Variants in TMEM98 observed in about 807,000 individuals in gnomAD.
The protein encoded by TMEM98 is transmembrane protein 98.
Under a neutral mutation model 25.0 loss-of-function variants are expected in TMEM98, and 18 were observed. The observed-to-expected ratio is 0.72, with a 90% CI of 0.50 to 1.07. The LOEUF is 1.07. Ranked by LOEUF, TMEM98 falls within the 50% of genes least tolerant of loss-of-function variation. The pLI is 0.00. For missense variants in TMEM98, 241 were observed against 289.0 expected, an observed-to-expected ratio of 0.83 and a Z score of 1.20; for synonymous variants, 103 against 112.4, an observed-to-expected ratio of 0.92 and a Z score of 0.53.
Position 32,933,267 on chromosome 17 carries a change from G to A in TMEM98, c.225G>A (p.Glu75=). ...DDVVITNPHI[E]AILENEDWIE... ...TCGTTATCACCAACCCCCACATTGAGGCCATTCTGGAGAATGAAGACTGGA... is the reference window on the plus strand; with the variant it reads ...TCGTTATCACCAACCCCCACATTGAAGCCATTCTGGAGAATGAAGACTGGA... The change falls in exon 4 of 8, where the codon GAG becomes GAA. Residue 75 remains glutamate (E), a synonymous_variant. Transcript: ENST00000579849. The A allele has an allele frequency of 3.1e-6, 5 of 1,614,188 alleles. No homozygotes were observed. Among genetic ancestry groups the A allele is most frequent in the Non-Finnish European group, 4.2e-6 (5 of 1,180,034 alleles).
chr17:32,936,476 A>T, intron 6 of TMEM98, 29 bp downstream of exon 6: 1 of 1,588,304 alleles, frequency 6.3e-7, no homozygotes, highest in South Asian at 1.1e-5. Context: ...CGAGGTCCCC[A>T]CACTCCCTGA....
intron 3 of TMEM98, among the ~76,000 whole-genome samples, chr17:32,932,771 C>T (rs2091476624): frequency 2.0e-5 from 3 of 152,120 alleles, no homozygotes; most frequent in Admixed American, 2.0e-4. Flanking sequence ...AGGTGGGGAG[C>T]CTATGTAGGT....
At position 32,941,010 on chromosome 17, in the gene TMEM98, G is replaced by T. The variant is rs1264513471; in HGVS notation, c.*17G>T. 6.3e-7 allele frequency: 1 copy of T among 1,580,042 alleles called. No homozygotes were observed. The highest frequency in any genetic ancestry group is 8.6e-7 in the Non-Finnish European group (1 of 1,161,118). On this transcript the variant is annotated 3_prime_UTR_variant, in exon 8 of 8. Transcript: ENST00000579849. ...GCAATTTAGTGCCTACAGGCCAGCA[G>T]CTAGCCATGAAGGCCCCTGCCGCCA...
At chr17:32,936,178 C>G (rs1036226758) in intron 5 of TMEM98, among the ~76,000 whole-genome samples, 154 bp from the exon 6 acceptor site, 1 of 152,092 alleles carries the variant, frequency 6.6e-6, no homozygotes, top group South Asian at 2.1e-4. Flanking sequence ...ACTTCCCACC[C>G]GTTTCCTCTC....
chr17:32,933,115 G>A, intron 3 of TMEM98, 59 bp from the exon 4 acceptor site: 6 of 1,602,392 alleles, frequency 3.7e-6, no homozygotes, highest in Non-Finnish European at 5.1e-6. Flanking sequence ...CCTCAGTGAG[G>A]AGAGGATCAG....
chr17:32,935,217 C>G (rs1330631531), intron 5 of TMEM98, among the ~76,000 whole-genome samples: 1 of 152,212 alleles, frequency 6.6e-6, no homozygotes, highest in Admixed American at 6.5e-5. Context: ...GTTATTATCT[C>G]AGAGTCCAGG....
chr17:32,944,258 G>C lies in TMEM98; in HGVS notation c.*3265G>C, dbSNP rs773328165. 19 of 152,388 alleles carry C rather than the reference G, an allele frequency of 1.2e-4. No homozygotes were observed. The highest frequency in any genetic ancestry group is 6.2e-4 in the South Asian group (3 of 4,830). The allele number at this position is 152,388 out of a possible 1,614,324, so 9.4% of individuals were successfully genotyped here. On this transcript the variant is annotated 3_prime_UTR_variant, in exon 8 of 8. Transcript: ENST00000579849. ...CCTTGGAAATGTGGGGAAAGTGTCA[G>C]ATGAAGAATTTCTATCCTCCTCACC... is the stretch of plus-strand genomic sequence containing the variant.
intron 6 of TMEM98, among the ~76,000 whole-genome samples, chr17:32,937,424 A>G (rs1043752770): frequency 3.9e-5 from 6 of 152,140 alleles, no homozygotes; most frequent in African/African-American, 1.4e-4. Context: ...CAGTGAGTTG[A>G]GAGAGTGGGA....
intron 3 of TMEM98, among the ~76,000 whole-genome samples, chr17:32,932,903 C>CCTGATTACAGGTATTTATA (rs1174414248): frequency 1.3e-5 from 2 of 152,176 alleles, no homozygotes; most frequent in African/African-American, 2.4e-5. Context: ...GGTAGTTATA[C>CCTGATTACAGGTATTTATA]CCTACTCTTT....
At chr17:32,933,505 A>G (rs2091480784) in intron 4 of TMEM98, among the ~76,000 whole-genome samples, 200 bp downstream of exon 4, 1 of 152,144 alleles carries the variant, frequency 6.6e-6, no homozygotes, top group African/African-American at 2.4e-5. Context: ...CATTTTGTAG[A>G]CCTGAACACT....
intron 3 of TMEM98, among the ~76,000 whole-genome samples, chr17:32,932,658 A>G (rs2091476128): frequency 1.3e-5 from 2 of 152,050 alleles, no homozygotes; most frequent in Admixed American, 1.3e-4. Flanking sequence ...CCCTGTTGTA[A>G]AATTGGAGGT....
intron 5 of TMEM98, 146 bp from the exon 6 acceptor site, chr17:32,936,186 C>T (rs1234916926): frequency 8.0e-6 from 5 of 628,754 alleles, no homozygotes; most frequent in Non-Finnish European, 1.4e-5. Context: ...CCCGTTTCCT[C>T]TCATCTCTGT....
chr17:32,936,600 G>A (rs1415386843), intron 6 of TMEM98, 153 bp downstream of exon 6: 1 of 661,006 alleles, frequency 1.5e-6, no homozygotes, highest in Non-Finnish European at 2.6e-6. Flanking sequence ...GACCAGGAGG[G>A]TTTAGATACC....
At chr17:32,934,022 A>C (rs2091483101) in intron 4 of TMEM98, among the ~76,000 whole-genome samples, 1 of 152,232 alleles carries the variant, frequency 6.6e-6, no homozygotes, top group Non-Finnish European at 1.5e-5. Flanking sequence ...AGTCTACCAG[A>C]AGCTTGAGAG....
chr17:32,933,301 G>C lies in TMEM98; in HGVS notation c.259G>C (p.Ala87Pro), dbSNP rs1567697116. The C allele has an allele frequency of 6.2e-7, 1 of 1,614,142 alleles. No homozygotes were observed. Among genetic ancestry groups the C allele is most frequent in the South Asian group, 1.1e-5 (1 of 91,080 alleles). The change falls in exon 4 of 8, where the codon GCC becomes CCC. Residue 87 changes from alanine (A) to proline (P), a missense_variant. Transcript: ENST00000579849. Reference sequence around the variant, plus strand: ...GGAGAATGAAGACTGGATCGAAGATGCCTCGTAAGGCCATGGGAACTGTTT... The same window carrying C: ...GGAGAATGAAGACTGGATCGAAGATCCCTCGTAAGGCCATGGGAACTGTTT... ...ILENEDWIEDASGLMSHCIAI... is the reference protein window; with the variant it reads ...ILENEDWIEDPSGLMSHCIAI...
intron 1 of TMEM98, chr17:32,930,940 GC>G (rs1177584942): frequency 1.3e-5 from 2 of 152,160 alleles, no homozygotes; most frequent in African/African-American, 4.8e-5. Flanking sequence ...GGTGTCTCAC[GC>G]GTGTAATCCC....
chr17:32,929,036 C>A (rs548949038), intron 1 of TMEM98, among the ~76,000 whole-genome samples: 1 of 150,094 alleles, frequency 6.7e-6, no homozygotes, highest in Admixed American at 6.6e-5. Context: ...CAAGCACACT[C>A]GGAGAAACAT....
At chr17:32,929,190 AAC>A (rs1442678405) in intron 1 of TMEM98, among the ~76,000 whole-genome samples, 4 of 151,934 alleles carry the variant, frequency 2.6e-5, no homozygotes, top group Non-Finnish European at 4.4e-5. Context: ...CACTCTGAGA[AAC>A]ACAGCTCACA....
chr17:32,939,429 A>T (rs1176488891), intron 6 of TMEM98, 48 bp from the exon 7 acceptor site: 2 of 1,525,330 alleles, frequency 1.3e-6, no homozygotes, highest in Non-Finnish European at 1.8e-6. Context: ...AAAAGGAGAA[A>T]AGGAGATCAG....
Sources: gnomAD v4.1 joint callset for allele counts (sites outside exome capture counted in the v4.1 genomes callset) on GRCh38, gnomAD v4.1.1 for gene constraint, MANE v1.5 for transcripts, NCBI Gene and HGNC (gene_info 2026-07-23, HGNC 2026-07-21) for gene names.